Variants in GALNTL6 observed in about 807,000 individuals in gnomAD.
GALNTL6 encodes polypeptide N-acetylgalactosaminyltransferase like 6.
In GALNTL6, 46 loss-of-function variants were observed where a neutral mutation model predicts 73.7. That is an observed-to-expected ratio of 0.62 (90% CI 0.49 to 0.80). The LOEUF (loss-of-function observed/expected upper bound fraction) is 0.80, where lower values mean the gene tolerates loss of function less well. Among genes scored for constraint, GALNTL6 ranks in the 30% least tolerant of loss-of-function variants. GALNTL6 has a pLI of 0.00. For synonymous variants in GALNTL6, 259 were observed against 263.7 expected, an observed-to-expected ratio of 0.98 and a Z score of 0.17; for missense variants, 604 against 755.0, an observed-to-expected ratio of 0.80 and a Z score of 2.34.
At chr4:171,967,447 G>GTTTTTTGTTTTTTTTTTTT (rs1553976625) in intron 2 of GALNTL6, among the ~76,000 whole-genome samples, 1 of 14,330 alleles carries the variant, frequency 7.0e-5, no homozygotes, top group African/African-American at 9.7e-5. Flanking sequence ...CCCCCTATGG[G>GTTTTTTGTTTTTTTTTTTT]TTTTTTTTTT....
intron 2 of GALNTL6, among the ~76,000 whole-genome samples, chr4:171,908,767 G>A (rs1737379780): frequency 6.6e-6 from 1 of 150,954 alleles, no homozygotes; most frequent in African/African-American, 2.5e-5. Flanking sequence ...ACGATAGACT[G>A]GATTAGGAAA....
intron 2 of GALNTL6, among the ~76,000 whole-genome samples, chr4:171,861,472 T>C (rs1250353120): frequency 6.6e-6 from 1 of 152,216 alleles, no homozygotes; most frequent in Non-Finnish European, 1.5e-5. Context: ...TTCACATCAG[T>C]TGAGTATGTT....
intron 3 of GALNTL6, among the ~76,000 whole-genome samples, chr4:172,238,437 T>A (rs889855454): frequency 1.3e-5 from 2 of 152,218 alleles, no homozygotes; most frequent in Non-Finnish European, 2.9e-5. Context: ...TACTAATGTT[T>A]CTACATTGAT....
At chr4:173,031,628 AAG>A (rs1049128872) in intron 12 of GALNTL6, among the ~76,000 whole-genome samples, 4 of 151,908 alleles carry the variant, frequency 2.6e-5, no homozygotes, top group East Asian at 1.9e-4. Flanking sequence ...GGAAAAAAAA[AAG>A]AGAGAGAGAG....
intron 6 of GALNTL6, among the ~76,000 whole-genome samples, chr4:172,812,075 A>AGGAT (rs1211687418): frequency 1.3e-5 from 2 of 151,694 alleles, no homozygotes; most frequent in African/African-American, 4.8e-5. Context: ...GACAGATGGA[A>AGGAT]GGATGGATGG....
chr4:172,193,003 A>G (rs1735632361), intron 2 of GALNTL6, among the ~76,000 whole-genome samples: 1 of 152,170 alleles, frequency 6.6e-6, no homozygotes, highest in Non-Finnish European at 1.5e-5. Context: ...GGGTTTATGG[A>G]TAGAACTCTG....
intron 5 of GALNTL6, among the ~76,000 whole-genome samples, chr4:172,444,854 A>G (rs1017448953): frequency 2.6e-5 from 4 of 151,236 alleles, no homozygotes; most frequent in Middle Eastern, 3.4e-3. Flanking sequence ...TAGAATGAGG[A>G]AAAAAAAACT....
In GALNTL6 at chr4:172,489,364, A is replaced by C. The variant is rs559050130; in HGVS notation, c.553+140675A>C. ...GATAATAGTTTTCAAGGAAAAAATA[A>C]GCTTTCGAACTTTAGAAAAGAAAAA... On this transcript the variant is annotated intron_variant, in intron 5 of 12. Coordinates refer to ENST00000506823, the MANE Select transcript of GALNTL6 (RefSeq NM_001034845.3). Among the ~76,000 whole-genome samples the C allele has an allele frequency of 1.8e-4, 28 of 152,360 alleles. No individual in the cohort carries two copies. In the East Asian group the frequency reaches 5.2e-3, roughly 28 times the overall value.
chr4:171,932,146 A>G (rs1309060370), intron 2 of GALNTL6, among the ~76,000 whole-genome samples: 1 of 152,156 alleles, frequency 6.6e-6, no homozygotes, highest in Non-Finnish European at 1.5e-5. Flanking sequence ...AATATTTTAG[A>G]AAAATATAGG....
chr4:172,145,717 G>A (rs1325884305), intron 2 of GALNTL6, among the ~76,000 whole-genome samples: 1 of 151,928 alleles, frequency 6.6e-6, no homozygotes, highest in Non-Finnish European at 1.5e-5. Flanking sequence ...CTATATTCAC[G>A]TGGCTACAGG....
At chr4:171,848,132 T>A (rs1420522472) in intron 2 of GALNTL6, among the ~76,000 whole-genome samples, 1 of 152,234 alleles carries the variant, frequency 6.6e-6, no homozygotes, top group African/African-American at 2.4e-5. Flanking sequence ...CTGGCAGCCA[T>A]GAAAACAACA....
chr4:172,474,395 T>G (rs1182018851), intron 5 of GALNTL6, among the ~76,000 whole-genome samples: 1 of 152,204 alleles, frequency 6.6e-6, no homozygotes, highest in African/African-American at 2.4e-5. Flanking sequence ...TAAGTTCTAA[T>G]TTTTATACTG....
intron 8 of GALNTL6, among the ~76,000 whole-genome samples, chr4:172,915,913 T>A (rs144365208): frequency 0.01 from 1,554 of 152,304 alleles, 10 homozygotes; most frequent in Non-Finnish European, 0.016. Context: ...AGCATCATCC[T>A]GATACCAAAG....
intron 10 of GALNTL6, among the ~76,000 whole-genome samples, chr4:173,002,630 T>C (rs1004512577): frequency 6.7e-6 from 1 of 149,162 alleles, no homozygotes; most frequent in Non-Finnish European, 1.5e-5. Context: ...CTGTCTCTAC[T>C]AAAAATACAA....
chr4:172,683,785 G>A lies in GALNTL6; in HGVS notation c.554-125576G>A, dbSNP rs115411419. Among the ~76,000 whole-genome samples, 1,141 of 152,220 alleles carry A rather than the reference G, an allele frequency of 7.5e-3. 12 individuals are homozygous for A. Among genetic ancestry groups the A allele is most frequent in the African/African-American group, 0.026 (1,086 of 41,528 alleles). ...GATACTATTCACAACTAAGCAGACG[G>A]AGTTATTTTTCCCAAAATAATATCA... On this transcript the variant is annotated intron_variant, in intron 5 of 12. Coordinates refer to ENST00000506823, the MANE Select transcript of GALNTL6 (RefSeq NM_001034845.3).
chr4:172,276,855 A>G (rs1369397655), intron 3 of GALNTL6, among the ~76,000 whole-genome samples: 1 of 152,196 alleles, frequency 6.6e-6, no homozygotes, highest in East Asian at 1.9e-4. Flanking sequence ...AGTAAAATGT[A>G]TTTAAAATAT....
At chr4:172,097,618 T>A (rs1732391258) in intron 2 of GALNTL6, among the ~76,000 whole-genome samples, 1 of 152,110 alleles carries the variant, frequency 6.6e-6, no homozygotes, top group Non-Finnish European at 1.5e-5. Context: ...CCATGAAAAT[T>A]AAAGCAAAAA....
At chr4:172,579,394 A>G (rs535884114) in intron 5 of GALNTL6, among the ~76,000 whole-genome samples, 8 of 152,202 alleles carry the variant, frequency 5.3e-5, no homozygotes, top group Non-Finnish European at 7.4e-5. Flanking sequence ...AAAACTATAT[A>G]TAAGTCTTTA....
chr4:172,575,697 T>A (rs1336422646), intron 5 of GALNTL6, among the ~76,000 whole-genome samples: 1 of 152,210 alleles, frequency 6.6e-6, no homozygotes, highest in African/African-American at 2.4e-5. Context: ...AAATTTTGAC[T>A]TGTTATTTAA....
Sources: gnomAD v4.1 joint callset for allele counts (sites outside exome capture counted in the v4.1 genomes callset) on GRCh38, gnomAD v4.1.1 for gene constraint, MANE v1.5 for transcripts, NCBI Gene and HGNC (gene_info 2026-07-23, HGNC 2026-07-21) for gene names.